The following SPEF2 variants were observed in gnomAD, a reference collection of about 807,000 sequenced individuals.
SPEF2 encodes the protein sperm flagellar and cilia associated 2.
In SPEF2, 187 loss-of-function variants were observed where a neutral mutation model predicts 224.6. The observed-to-expected ratio is 0.83, with a 90% CI of 0.74 to 0.94. The LOEUF (loss-of-function observed/expected upper bound fraction) is 0.94, where lower values mean the gene tolerates loss of function less well. Ranked by LOEUF, SPEF2 falls within the 40% of genes least tolerant of loss-of-function variation. The probability of loss-of-function intolerance (pLI) is 0.00; values close to 1 mark genes in which losing one functional copy is unlikely to be tolerated. For synonymous variants in SPEF2, 715 were observed against 707.3 expected (o/e 1.01, Z -0.17); for missense variants, 2,170 against 2,135.6 (o/e 1.02, Z -0.32).
Position 35,763,751 on chromosome 5 carries a change from T to G in SPEF2, c.3801+49T>G, listed in dbSNP as rs746138459. 3 of 1,504,488 alleles carry G rather than the reference T, an allele frequency of 2.0e-6. No homozygotes were observed. In the Admixed American group the frequency reaches 6.8e-5, roughly 34 times the overall value. 93.2% of individuals were successfully genotyped at this position (1,504,488 alleles called of 1,614,324 possible). On this transcript the variant is annotated intron_variant, in intron 26 of 36. Coordinates refer to ENST00000356031, the MANE Select transcript of SPEF2 (RefSeq NM_024867.4). The stretch of plus-strand genomic sequence containing the variant: ...CTGTTAGTAATACACATTCATTAAG[T>G]ACCAAGGTTGGTAATATGCTATAAG...
Position 35,654,029 on chromosome 5 carries a change from G to C in SPEF2, c.792-511G>C, listed in dbSNP as rs143216861. Among the ~76,000 whole-genome samples the C allele has an allele frequency of 8.9e-3, 1,346 of 151,132 alleles. 16 individuals carry two copies. Among genetic ancestry groups the C allele is most frequent in the African/African-American group, 0.032 (1,309 of 41,110 alleles). On this transcript the variant is annotated intron_variant, in intron 6 of 36. Coordinates refer to ENST00000356031, the MANE Select transcript of SPEF2 (RefSeq NM_024867.4). ...AATCCTCAGCACTTTGGAAGGCCAA[G>C]GTGGGCAGATCACCTGAGGTCAGGA...
chr5:35,793,860 A>G (rs1046525661), intron 32 of SPEF2, among the ~76,000 whole-genome samples: 1 of 152,184 alleles, frequency 6.6e-6, no homozygotes, highest in Non-Finnish European at 1.5e-5. Context: ...TCTGTGGGAA[A>G]TGAAGAGAGA....
At chr5:35,691,671 A>G (rs938590721) in intron 11 of SPEF2, among the ~76,000 whole-genome samples, 1 of 152,242 alleles carries the variant, frequency 6.6e-6, no homozygotes, top group African/African-American at 2.4e-5. Context: ...CAGGAACAAA[A>G]TAATGGTGAT....
At chr5:35,670,471 G>T in intron 10 of SPEF2, 1 of 1,139,812 alleles carries the variant, frequency 8.8e-7, no homozygotes, top group South Asian at 3.9e-5. Context: ...CATAGTAATT[G>T]TCTGGGTAGA....
At chr5:35,797,314 ACGGGTGTG>A (rs1380653188) in intron 33 of SPEF2, among the ~76,000 whole-genome samples, 7 of 68,416 alleles carry the variant, frequency 1.0e-4, no homozygotes, top group Non-Finnish European at 1.8e-4. Context: ...AAGATGGCTG[ACGGGTGTG>A]TGTGTGTGTG....
At chr5:35,663,303 T>C (rs1199256886) in intron 8 of SPEF2, among the ~76,000 whole-genome samples, 1 of 152,180 alleles carries the variant, frequency 6.6e-6, no homozygotes, top group Non-Finnish European at 1.5e-5. Flanking sequence ...TATGCCTCTG[T>C]CCTCCAAGAT....
intron 28 of SPEF2, among the ~76,000 whole-genome samples, chr5:35,775,092 C>A (rs1354374380): frequency 6.6e-6 from 1 of 152,094 alleles, no homozygotes; most frequent in Non-Finnish European, 1.5e-5. Context: ...TTTATATGTA[C>A]AAACATAAAC....
chr5:35,792,303 T>C (rs1756078767), intron 30 of SPEF2, 37 bp from the exon 31 acceptor site: 2 of 1,559,530 alleles, frequency 1.3e-6, no homozygotes. Flanking sequence ...AACCATCACC[T>C]AAACCAAGTG....
In SPEF2 at chr5:35,779,253, C is replaced by T. The variant is rs369144782; in HGVS notation, c.4354C>T (p.Arg1452Cys). ...KVFPDPPPSI[R>C]PPPVEKEEDG... is the part of the protein sequence containing the mutation. ...CTTCCCAGATCCTCCCCCATCAATA[C>T]GTCCTCCACCTGTAGAAAAGGAAGA... The change falls in exon 30 of 37, where the codon CGT (arginine) becomes TGT (cysteine). Residue 1452 changes from arginine to cysteine, a missense_variant. By Grantham distance (180) the Arg-to-Cys change is radical. Transcript: ENST00000356031. 22 of 1,613,766 alleles carry T rather than the reference C, an allele frequency of 1.4e-5. No individual in the cohort carries two copies. Among genetic ancestry groups the T allele is most frequent in the Admixed American group, 1.7e-5 (1 of 60,000 alleles).
intron 21 of SPEF2, among the ~76,000 whole-genome samples, chr5:35,732,844 G>A (rs1447255230): frequency 6.6e-6 from 1 of 152,104 alleles, no homozygotes; most frequent in East Asian, 1.9e-4. Context: ...GGTATTTTGA[G>A]TAAGAGAAAG....
intron 30 of SPEF2, chr5:35,787,762 A>C (rs1755364059): frequency 5.7e-6 from 3 of 526,110 alleles, no homozygotes; most frequent in African/African-American, 5.7e-5. Flanking sequence ...GCACTCCATA[A>C]AATTTTTCAA....
intron 10 of SPEF2, among the ~76,000 whole-genome samples, chr5:35,689,287 T>C (rs1321369668): frequency 6.6e-6 from 1 of 152,206 alleles, no homozygotes; most frequent in African/African-American, 2.4e-5. Context: ...TATACTATAG[T>C]TGTACCTAAC....
chr5:35,807,267 CA>C lies in SPEF2; in HGVS notation c.5379+17del, dbSNP rs1561396187. On this transcript the variant is annotated intron_variant, in intron 36 of 36. Transcript: ENST00000356031. The stretch of plus-strand genomic sequence containing the variant: ...TATAAGTTTCCTGTGAGTATTACCC[CA>C]AAGTGCTCTAATTTGGTTGGGCTCC... The C allele has an allele frequency of 6.2e-7, 1 of 1,604,970 alleles. No individual in the cohort carries two copies. Among genetic ancestry groups the C allele is most frequent in the South Asian group, 1.1e-5 (1 of 88,848 alleles).
chr5:35,681,366 T>C (rs1469516897), intron 10 of SPEF2, among the ~76,000 whole-genome samples: 1 of 152,182 alleles, frequency 6.6e-6, no homozygotes, highest in Admixed American at 6.5e-5. Flanking sequence ...AGAACTGTAT[T>C]ACTTTAAAAA....
chr5:35,791,272 A>G (rs1342689906), intron 30 of SPEF2, among the ~76,000 whole-genome samples: 2 of 152,212 alleles, frequency 1.3e-5, no homozygotes, highest in African/African-American at 4.8e-5. Context: ...TGGATGGCCA[A>G]TTATATCAAA....
intron 30 of SPEF2, chr5:35,790,724 A>G (rs1755833028): frequency 6.0e-6 from 1 of 166,634 alleles, no homozygotes; most frequent in African/African-American, 2.4e-5. Flanking sequence ...CCTGGCATAC[A>G]ATTCATTATT....
intron 19 of SPEF2, chr5:35,710,572 A>G (rs1430328448): frequency 2.0e-6 from 2 of 985,018 alleles, no homozygotes; most frequent in Non-Finnish European, 2.4e-6. Flanking sequence ...AAAAGAAAAG[A>G]AAAATAACTG....
chr5:35,773,779 A>C (rs1185840193), intron 27 of SPEF2, 114 bp from the exon 28 acceptor site: 1 of 1,229,862 alleles, frequency 8.1e-7, no homozygotes, highest in African/African-American at 1.5e-5. Context: ...TTGTTTCCGA[A>C]TCACTAGAGG....
intron 1 of SPEF2, among the ~76,000 whole-genome samples, chr5:35,627,608 T>TC (rs1017684078): frequency 1.6e-4 from 24 of 152,218 alleles, no homozygotes; most frequent in African/African-American, 5.8e-4. Flanking sequence ...TGAGACTCCA[T>TC]CAAAAAATAA....
Sources: gnomAD v4.1 joint callset for allele counts (sites outside exome capture counted in the v4.1 genomes callset) on GRCh38, gnomAD v4.1.1 for gene constraint, MANE v1.5 for transcripts, NCBI Gene and HGNC (gene_info 2026-07-23, HGNC 2026-07-21) for gene names.